Variants in MXRA5 observed in about 807,000 individuals in gnomAD.
MXRA5 encodes matrix-remodeling-associated protein 5.
MXRA5 carries 41 observed loss-of-function variants against 112.5 expected under a neutral mutation model. The ratio of observed to expected loss-of-function variants is 0.36; its 90% confidence interval spans 0.28 to 0.47. MXRA5 has a LOEUF of 0.47. MXRA5 is among the 20% of genes least tolerant of loss of function. The probability of loss-of-function intolerance (pLI) is 0.99; values close to 1 mark genes in which losing one functional copy is unlikely to be tolerated. For missense variants in MXRA5, 2,150 were observed against 2,251.0 expected (o/e 0.96, Z 0.91); for synonymous variants, 862 against 900.8 (o/e 0.96, Z 0.77).
intron 2 of MXRA5, among the ~76,000 whole-genome samples, chrX:3,339,345 A>T (rs1378123464): frequency 9.1e-6 from 1 of 110,401 alleles, no homozygotes; most frequent in Non-Finnish European, 1.9e-5. Flanking sequence ...GCTCACTGCA[A>T]GCTCTGCCTC....
In MXRA5 at chrX:3,322,796, T is replaced by C. The variant is rs142083218; in HGVS notation, c.2889A>G (p.Pro963=). ...PEPTSSEYEP[P]LDAVSLAESE... is the part of the protein sequence containing the mutation. Reference sequence around the variant, plus strand: ...ACTCAGCCAAGGAGACAGCATCCAATGGAGGCTCATACTCACTGGATGTGG... The same window carrying C: ...ACTCAGCCAAGGAGACAGCATCCAACGGAGGCTCATACTCACTGGATGTGG... The change falls in exon 5 of 7, where the codon CCA becomes CCG. Residue 963 remains proline (P), a synonymous_variant. Transcript: ENST00000217939. 3.6e-5 allele frequency: 44 copies of C among 1,209,885 alleles called. No individual in the cohort carries two copies. Among genetic ancestry groups the C allele is most frequent in the Non-Finnish European group, 4.7e-5 (42 of 895,274 alleles).
At chrX:3,330,558 A>C in intron 3 of MXRA5, 86 bp downstream of exon 3, 1 of 1,148,527 alleles carries the variant, frequency 8.7e-7, no homozygotes, top group Non-Finnish European at 1.2e-6. Flanking sequence ...TTTATTGATC[A>C]TTAAGGAGAA....
At chrX:3,325,239 G>A (rs777935654) in intron 4 of MXRA5, among the ~76,000 whole-genome samples, 1 of 110,412 alleles carries the variant, frequency 9.1e-6, no homozygotes, top group East Asian at 2.8e-4. Context: ...ACTTACTAAC[G>A]GGTATTTAAA....
chrX:3,327,325 C>T (rs776824583), intron 4 of MXRA5, among the ~76,000 whole-genome samples: 6 of 112,153 alleles, frequency 5.3e-5, no homozygotes, highest in East Asian at 5.6e-4. Context: ...CACACTCACA[C>T]TCATACCCAC....
At chrX:3,341,896 C>T (rs1921995153) in intron 2 of MXRA5, among the ~76,000 whole-genome samples, 1 of 105,680 alleles carries the variant, frequency 9.5e-6, no homozygotes, top group African/African-American at 3.4e-5. Context: ...ATTTTGCACA[C>T]CAAGGGTGGA....
Position 3,323,896 on chromosome X carries a change from A to T in MXRA5, c.1789T>A (p.Leu597Met). The T allele has an allele frequency of 8.3e-7, 1 of 1,208,088 alleles. No individual in the cohort carries two copies. The highest frequency in any genetic ancestry group is 1.1e-6 in the Non-Finnish European group (1 of 893,548). Reference sequence around the variant, plus strand: ...GGTATTGCTAAAGCATTGCAAGGCAATGTCACCGACTCCCCTGGGTTCTTG... The same window carrying T: ...GGTATTGCTAAAGCATTGCAAGGCATTGTCACCGACTCCCCTGGGTTCTTG... ...IGKNPGESVT[L>M]PCNALAIPEA... The change falls in exon 5 of 7, where the codon TTG (leucine) becomes ATG (methionine). Residue 597 changes from leucine to methionine, a missense_variant. Leu to Met is a conservative substitution (Grantham distance 15). This residue lies in a region of MXRA5 where 1,485 missense variants were observed against 1,471.6 expected (regional missense o/e 1.01). Coordinates refer to ENST00000217939, the MANE Select transcript of MXRA5 (RefSeq NM_015419.4).
chrX:3,332,277 G>A (rs1213685333), intron 2 of MXRA5, among the ~76,000 whole-genome samples: 8 of 108,586 alleles, frequency 7.4e-5, no homozygotes, highest in Non-Finnish European at 1.5e-4. Flanking sequence ...ACGGAGTCTC[G>A]CTCTGTCGCC....
At chrX:3,314,881 CAGATAGAT>C (rs77892728) in intron 6 of MXRA5, among the ~76,000 whole-genome samples, 7,078 of 102,506 alleles carry the variant, frequency 0.069, 251 homozygotes, top group African/African-American at 0.13. Context: ...GGTAGGTAGG[CAGATAGAT>C]AGATAGATAG....
chrX:3,339,190 G>A (rs1330844930), intron 2 of MXRA5, among the ~76,000 whole-genome samples: 1 of 111,013 alleles, frequency 9.0e-6, no homozygotes, highest in Non-Finnish European at 1.9e-5. Flanking sequence ...AGTCTGGGAC[G>A]GGCTCCACAT....
In MXRA5 at chrX:3,343,693, A is replaced by C. The variant is rs1332971160; in HGVS notation, c.141T>G (p.Ala47=). The C allele has an allele frequency of 8.3e-7, 1 of 1,212,090 alleles. No homozygotes were observed. The highest frequency in any genetic ancestry group is 1.1e-6 in the Non-Finnish European group (1 of 895,571). Residue 47 remains alanine, a synonymous_variant, in exon 2 of 7, where the codon GCT becomes GCG. Coordinates refer to ENST00000217939, the MANE Select transcript of MXRA5 (RefSeq NM_015419.4). ...GTTTAGCAATGCCAGCGGGCACGGA[A>C]GCCAGGGATCGGAACGTGCAGTGGA... ...SEVHCTFRSL[A]SVPAGIAKHV...
rs757777511 is a variant in MXRA5 at position 3,309,967 on chromosome X, G to A, written c.8236C>T (p.Arg2746Trp). 5.8e-6 allele frequency: 7 copies of A among 1,209,181 alleles called. No individual in the cohort carries two copies. In the African/African-American group the frequency reaches 7.0e-5, roughly 12 times the overall value. ...TSEPTPVIYT[R>W]PGNTVKLNCM... ...TTCAGTTTCACGGTGTTCCCGGGCCGGGTGTAGATGACCGGGGTGGGCTCG... is the reference window on the plus strand; with the variant it reads ...TTCAGTTTCACGGTGTTCCCGGGCCAGGTGTAGATGACCGGGGTGGGCTCG... Residue 2746 changes from arginine to tryptophan, a missense_variant, in exon 7 of 7, where the codon CGG becomes TGG. By Grantham distance (101) the Arg-to-Trp change is moderately radical. Transcript: ENST00000217939.
chrX:3,323,265 G>T lies in MXRA5; in HGVS notation c.2420C>A (p.Thr807Asn), dbSNP rs1196852632. Reference sequence around the variant, plus strand: ...TAGACTCAAGGATGGAGGACTTGTGGTTTTAATCAATGGGGGTACTTCTGT... The same window carrying T: ...TAGACTCAAGGATGGAGGACTTGTGTTTTTAATCAATGGGGGTACTTCTGT... ...KGTEVPPLIK[T>N]TSPPSLSLEV... Residue 807 changes from threonine to asparagine, a missense_variant, in exon 5 of 7, where the codon ACC (threonine) becomes AAC (asparagine). Physicochemically the swap from Thr to Asn is moderately conservative, Grantham distance 65. This residue lies in a region of MXRA5 where 1,485 missense variants were observed against 1,471.6 expected (regional missense o/e 1.01). Coordinates refer to ENST00000217939, the MANE Select transcript of MXRA5 (RefSeq NM_015419.4). 2 of 1,209,259 alleles carry T rather than the reference G, an allele frequency of 1.7e-6. No homozygotes were observed. Among genetic ancestry groups the T allele is most frequent in the Non-Finnish European group, 2.2e-6 (2 of 895,065 alleles).
rs747951499 is a variant in MXRA5 at position 3,324,749 on chromosome X, T to G, written c.936A>C (p.Gln312His). The change falls in exon 5 of 7, where the codon CAA becomes CAC. Residue 312 changes from glutamine to histidine, a missense_variant. Physicochemically the swap from Gln to His is conservative, Grantham distance 24. Around this residue, in one of 6 missense-constraint regions of MXRA5, gnomAD observed 386 missense variants for 411.0 expected, o/e 0.94. Coordinates refer to ENST00000217939, the MANE Select transcript of MXRA5 (RefSeq NM_015419.4). Reference protein sequence around the residue: ...GGSQLILEKFQLPQWSISLNM... With the variant: ...GGSQLILEKFHLPQWSISLNM... ...TCAAAGAGATGCTCCACTGGGGCAG[T>G]TGGAATTTCTCCAGGATGAGCTGGC... The G allele has an allele frequency of 1.7e-6, 2 of 1,209,409 alleles. No individual in the cohort carries two copies. The highest frequency in any genetic ancestry group is 4.4e-5 in the Admixed American group (2 of 45,905).
At chrX:3,319,055 G>T (rs6642194) in intron 5 of MXRA5, among the ~76,000 whole-genome samples, 52,235 of 109,139 alleles carry the variant, frequency 0.48, 9,588 homozygotes, top group Non-Finnish European at 0.58. Context: ...GGTTACCAGG[G>T]GCTGGGGATG....
Position 3,317,971 on chromosome X carries a change from G to T in MXRA5, c.5710C>A (p.Arg1904=), listed in dbSNP as rs749501496. 1 of 1,201,383 alleles carries T rather than the reference G, an allele frequency of 8.3e-7. No homozygotes were observed. Among genetic ancestry groups the T allele is most frequent in the East Asian group, 3.0e-5 (1 of 33,597 alleles). Residue 1904 remains arginine (R), a synonymous_variant, in exon 6 of 7, where the codon CGG becomes AGG. Transcript: ENST00000217939. ...ALMTPNTRIQ[R]FEVLKNGTLV... ...GTACCGTTCTTGAGAACCTCAAACC[G>T]TTGTATCCTGGTATTCGGAGTCATA...
At chrX:3,315,412 G>GATAGATAGATAGATAT (rs1921088988) in intron 6 of MXRA5, among the ~76,000 whole-genome samples, 2 of 56,195 alleles carry the variant, frequency 3.6e-5, no homozygotes, top group Non-Finnish European at 7.0e-5. Context: ...TAGATAGATA[G>GATAGATAGATAGATAT]ATAGATAGAA....
intron 6 of MXRA5, 121 bp from the exon 7 acceptor site, chrX:3,311,745 A>G (rs2146914429): frequency 1.8e-6 from 1 of 570,614 alleles, no homozygotes; most frequent in East Asian, 3.5e-5. Flanking sequence ...GGTGGCTGCT[A>G]TTGCAGAATG....
In MXRA5 at chrX:3,311,057, G is replaced by A; in HGVS notation, c.7146C>T (p.Ser2382=). The A allele has an allele frequency of 8.3e-7, 1 of 1,211,225 alleles. No homozygotes were observed. Among genetic ancestry groups the A allele is most frequent in the Non-Finnish European group, 1.1e-6 (1 of 895,342 alleles). Residue 2382 remains serine, a synonymous_variant, in exon 7 of 7, where the codon TCC becomes TCT. Coordinates refer to ENST00000217939, the MANE Select transcript of MXRA5 (RefSeq NM_015419.4). ...GEPMPKVTWL[S]PTNKVIPTSS... is the part of the protein sequence containing the mutation. ...AGGTGGGGATCACCTTGTTGGTTGG[G>A]GACAACCAAGTCACCTTGGGCATGG...
chrX:3,310,975 G>C lies in MXRA5; in HGVS notation c.7228C>G (p.Arg2410Gly), dbSNP rs866456166. The part of the protein sequence containing the change: ...DGTLLIQKAQ[R>G]SDSGNYTCLV... The stretch of plus-strand genomic sequence containing the variant: ...CAGGTGTAGTTGCCGCTGTCAGAAC[G>C]CTGGGCTTTCTGAATAAGGAGAGTG... The change falls in exon 7 of 7, where the codon CGT (arginine) becomes GGT (glycine). Residue 2410 changes from arginine (R) to glycine (G), a missense_variant. Physicochemically the swap from Arg to Gly is moderately radical, Grantham distance 125. Coordinates refer to ENST00000217939, the MANE Select transcript of MXRA5 (RefSeq NM_015419.4). 1 of 1,211,516 alleles carries C rather than the reference G, an allele frequency of 8.3e-7. No homozygotes were observed. The highest frequency in any genetic ancestry group is 1.7e-5 in the African/African-American group (1 of 57,701).
Sources: gnomAD v4.1 joint callset for allele counts (sites outside exome capture counted in the v4.1 genomes callset) on GRCh38, gnomAD v4.1.1 for gene constraint, gnomAD v4.1.1 regional missense constraint, MANE v1.5 for transcripts, NCBI Gene and HGNC (gene_info 2026-07-23, HGNC 2026-07-21) for gene names.